Variants in FOCAD observed in about 807,000 individuals in gnomAD.
The protein encoded by FOCAD is KIAA1797.
In FOCAD, 198 loss-of-function variants were observed where a neutral mutation model predicts 225.6. That is an observed-to-expected ratio of 0.88 (90% CI 0.78 to 0.99). The LOEUF (loss-of-function observed/expected upper bound fraction) is 0.99, where lower values mean the gene tolerates loss of function less well. Ranked by LOEUF, FOCAD falls within the 50% of genes least tolerant of loss-of-function variation. FOCAD has a pLI of 0.00. For synonymous variants in FOCAD, 897 were observed against 755.0 expected, an observed-to-expected ratio of 1.19 and a Z score of -3.08; for missense variants, 2,713 against 2,123.6, an observed-to-expected ratio of 1.28 and a Z score of -5.46.
At chr9:20,884,797 C>A (rs1007000575) in intron 20 of FOCAD, among the ~76,000 whole-genome samples, 1 of 151,904 alleles carries the variant, frequency 6.6e-6, no homozygotes, top group Non-Finnish European at 1.5e-5. Context: ...CGCGGTGGCT[C>A]ACACCTGTAA....
chr9:20,895,354 A>T (rs2131937833), intron 21 of FOCAD, among the ~76,000 whole-genome samples: 1 of 152,046 alleles, frequency 6.6e-6, no homozygotes, highest in African/African-American at 2.4e-5. Context: ...CCAGGAAGCA[A>T]CTTGGTGAGA....
chr9:20,865,442 A>C (rs1303156646), intron 16 of FOCAD, among the ~76,000 whole-genome samples: 1 of 152,060 alleles, frequency 6.6e-6, no homozygotes, highest in Non-Finnish European at 1.5e-5. Context: ...TATTTATTAC[A>C]CATTTGTCAT....
At chr9:20,731,643 G>T (rs1826711786) in intron 4 of FOCAD, among the ~76,000 whole-genome samples, 1 of 151,978 alleles carries the variant, frequency 6.6e-6, no homozygotes, top group Non-Finnish European at 1.5e-5. Context: ...TTGACACAGA[G>T]TTTCGTTCTT....
chr9:20,845,051 G>A (rs1380123868), intron 15 of FOCAD, among the ~76,000 whole-genome samples: 6 of 152,028 alleles, frequency 3.9e-5, no homozygotes, highest in Non-Finnish European at 7.4e-5. Flanking sequence ...TTAATAGAGG[G>A]CAGAGTTTAT....
chr9:20,756,789 C>A (rs935342741), intron 5 of FOCAD, among the ~76,000 whole-genome samples: 5 of 152,162 alleles, frequency 3.3e-5, no homozygotes, highest in African/African-American at 9.7e-5. Flanking sequence ...CTGAGTGTAA[C>A]TGATGGTCTG....
In FOCAD at chr9:20,871,457, C is replaced by T. The variant is rs13296917; in HGVS notation, c.2191-3224C>T. 6.0e-3 allele frequency among the ~76,000 whole-genome samples: 913 copies of T among 151,836 alleles called. 2 individuals are homozygous for T. The highest frequency in any genetic ancestry group is 0.014 in the Middle Eastern group (4 of 294). On this transcript the variant is annotated intron_variant, in intron 18 of 43. Transcript: ENST00000338382. Reference sequence around the variant, plus strand: ...ATAACCTTAACAGGAATTCTTTCAACTGAGTTCTCTTGATTCTCTATAGTT... The same window carrying T: ...ATAACCTTAACAGGAATTCTTTCAATTGAGTTCTCTTGATTCTCTATAGTT...
intron 11 of FOCAD, among the ~76,000 whole-genome samples, 170 bp downstream of exon 11, chr9:20,789,778 C>T (rs1820333443): frequency 1.4e-5 from 2 of 145,668 alleles, no homozygotes; most frequent in South Asian, 4.3e-4. Context: ...TTTCCTTACT[C>T]TGAGTTGATG....
At position 20,941,890 on chromosome 9, in the gene FOCAD, G is replaced by A. The variant is rs996484490; in HGVS notation, c.3408-2737G>A. On this transcript the variant is annotated intron_variant, in intron 28 of 43. Coordinates refer to ENST00000338382, the MANE Select transcript of FOCAD (RefSeq NM_001375567.1). ...TCAAAGCTGGCAGACATATCAAAGA[G>A]AAGCTAGAATGAGGTAAATATGTGG... is the stretch of plus-strand genomic sequence containing the variant. 5.3e-5 allele frequency among the ~76,000 whole-genome samples: 8 copies of A among 152,314 alleles called. No individual in the cohort carries two copies. In the South Asian group the frequency reaches 1.4e-3, roughly 28 times the overall value.
At chr9:20,740,201 A>G (rs1317483762) in intron 4 of FOCAD, 35 bp from the exon 5 acceptor site, 3 of 1,309,068 alleles carry the variant, frequency 2.3e-6, no homozygotes, top group East Asian at 2.3e-5. Context: ...TTCACTTTTT[A>G]TCTATAACAT....
At chr9:20,764,688 A>G (rs1295143886) in intron 6 of FOCAD, among the ~76,000 whole-genome samples, 181 bp from the exon 7 acceptor site, 2 of 151,838 alleles carry the variant, frequency 1.3e-5, no homozygotes. Flanking sequence ...CTCAGTGTAC[A>G]AAGAACTGTT....
At chr9:20,876,717 A>T (rs1161104862) in intron 19 of FOCAD, among the ~76,000 whole-genome samples, 1 of 152,186 alleles carries the variant, frequency 6.6e-6, no homozygotes, top group Non-Finnish European at 1.5e-5. Context: ...CCCTTTGATT[A>T]TTACAGAACT....
chr9:20,802,989 C>T (rs904416296), intron 11 of FOCAD, among the ~76,000 whole-genome samples: 1 of 152,042 alleles, frequency 6.6e-6, no homozygotes. Context: ...TTCTCTAATT[C>T]CGTATTGCCT....
chr9:20,764,744 A>G (rs1037251294), intron 6 of FOCAD, 125 bp from the exon 7 acceptor site: 27 of 756,770 alleles, frequency 3.6e-5, no homozygotes, highest in African/African-American at 3.3e-4. Context: ...GAATCATAAA[A>G]AGAAGTTACA....
chr9:20,735,283 C>G (rs1827055577), intron 4 of FOCAD, among the ~76,000 whole-genome samples: 1 of 152,168 alleles, frequency 6.6e-6, no homozygotes, highest in East Asian at 1.9e-4. Flanking sequence ...TTTGCTGAAA[C>G]TATCTGGAAT....
At chr9:20,793,348 A>G (rs1820734595) in intron 11 of FOCAD, among the ~76,000 whole-genome samples, 1 of 152,208 alleles carries the variant, frequency 6.6e-6, no homozygotes, top group Admixed American at 6.5e-5. Flanking sequence ...CTGTAGGATA[A>G]AAAGCTTTCA....
At chr9:20,752,924 G>A (rs1238856587) in intron 5 of FOCAD, among the ~76,000 whole-genome samples, 1 of 149,144 alleles carries the variant, frequency 6.7e-6, no homozygotes, top group East Asian at 2.0e-4. Context: ...TGAAGCAATT[G>A]GGAATGGGAG....
chr9:20,954,619 T>C (rs1296047221), intron 35 of FOCAD, among the ~76,000 whole-genome samples: 3 of 152,202 alleles, frequency 2.0e-5, no homozygotes, highest in African/African-American at 7.2e-5. Context: ...CAACAGGAAA[T>C]GTTCTGCTAT....
intron 35 of FOCAD, among the ~76,000 whole-genome samples, chr9:20,975,812 G>GA (rs1464395216): frequency 1.3e-5 from 2 of 152,126 alleles, no homozygotes; most frequent in Non-Finnish European, 2.9e-5. Flanking sequence ...CACATATGTG[G>GA]AAGCTAAAAA....
chr9:20,707,530 G>A (rs1032723074), intron 1 of FOCAD, among the ~76,000 whole-genome samples: 5 of 152,034 alleles, frequency 3.3e-5, no homozygotes, highest in African/African-American at 4.8e-5. Flanking sequence ...CAGTTGATTC[G>A]TACACATTTT....
Sources: allele counts gnomAD v4.1 joint callset (sites outside exome capture counted in the v4.1 genomes callset), GRCh38; gene constraint gnomAD v4.1.1; transcripts MANE v1.5; gene names NCBI Gene and HGNC (gene_info 2026-07-23, HGNC 2026-07-21).